Variants in SLC14A2 observed in about 807,000 individuals in gnomAD.
The protein encoded by SLC14A2 is solute carrier family 14 member 2.
Under a neutral mutation model 104.6 loss-of-function variants are expected in SLC14A2, and 91 were observed. The observed-to-expected ratio is 0.87, with a 90% CI of 0.73 to 1.04. The LOEUF (loss-of-function observed/expected upper bound fraction) is 1.04, where lower values mean the gene tolerates loss of function less well. Among genes scored for constraint, SLC14A2 ranks in the 50% least tolerant of loss-of-function variants. The pLI, the probability that SLC14A2 is intolerant of heterozygous loss-of-function variation, is 0.00. For synonymous variants in SLC14A2, 476 were observed against 466.4 expected (o/e 1.02, Z -0.27); for missense variants, 1,189 against 1,156.0 (o/e 1.03, Z -0.41).
chr18:45,352,199 A>T (rs548707854), intron 1 of SLC14A2, among the ~76,000 whole-genome samples: 1 of 152,260 alleles, frequency 6.6e-6, no homozygotes, highest in Admixed American at 6.5e-5. Context: ...TACTTCAAAG[A>T]AAAGGCAAAC....
rs2086233054 is a variant in SLC14A2, at chr18:45,413,185, T to A, written c.-124-70048T>A. 2.0e-5 allele frequency among the ~76,000 whole-genome samples: 3 copies of A among 152,196 alleles called. No homozygotes were observed. The South Asian group carries it at 6.2e-4, about 32-fold the overall frequency. ...GATAATTACACAGAGTAGCTTATGT[T>A]ATCTAATGCTATCATGTTATCTACA... On this transcript the variant is annotated intron_variant, in intron 1 of 20. Transcript: ENST00000586448.
chr18:45,212,495 C>T (rs2083969745), upstream of SLC14A2, among the ~76,000 whole-genome samples: 1 of 152,172 alleles, frequency 6.6e-6, no homozygotes, highest in Non-Finnish European at 1.5e-5. Context: ...CATGAGAAAG[C>T]ACATGAAAAG....
chr18:45,594,669 G>T (rs2044697097), intron 2 of SLC14A2, among the ~76,000 whole-genome samples: 2 of 152,104 alleles, frequency 1.3e-5, no homozygotes, highest in African/African-American at 4.8e-5. Flanking sequence ...CACCTTACTT[G>T]TCTCTTCCTT....
At chr18:45,405,317 T>C (rs1279288711) in intron 1 of SLC14A2, among the ~76,000 whole-genome samples, 2 of 152,206 alleles carry the variant, frequency 1.3e-5, no homozygotes, top group African/African-American at 4.8e-5. Flanking sequence ...GAGGTTCAAG[T>C]AGCAAAGGAT....
At chr18:45,262,189 A>G (rs2084546254) in intron 1 of SLC14A2, among the ~76,000 whole-genome samples, 1 of 152,242 alleles carries the variant, frequency 6.6e-6, no homozygotes, top group Non-Finnish European at 1.5e-5. Flanking sequence ...TTAAAAATTA[A>G]TAAAAACAAA....
At chr18:45,444,080 T>G (rs1420888472) in intron 1 of SLC14A2, among the ~76,000 whole-genome samples, 1 of 152,174 alleles carries the variant, frequency 6.6e-6, no homozygotes, top group Non-Finnish European at 1.5e-5. Context: ...GCAAATTTGT[T>G]TCTATCATAA....
At chr18:45,309,905 A>T (rs2085061210) in intron 1 of SLC14A2, among the ~76,000 whole-genome samples, 1 of 149,288 alleles carries the variant, frequency 6.7e-6, no homozygotes, top group Non-Finnish European at 1.5e-5. Flanking sequence ...TTCTCCATTT[A>T]TATATATATA....
At chr18:45,188,002 C>T in the SLC14A2 span, among the ~76,000 whole-genome samples, 1 of 152,018 alleles carries the variant, frequency 6.6e-6, no homozygotes, top group Non-Finnish European at 1.5e-5. Context: ...AGGAAGTGTC[C>T]TGTCAGTGCT....
At chr18:45,200,983 C>G in the SLC14A2 span, among the ~76,000 whole-genome samples, 1 of 152,044 alleles carries the variant, frequency 6.6e-6, no homozygotes. Context: ...CATTATGTCT[C>G]TTTAGGCTTC....
chr18:45,310,689 G>A (rs182239959), intron 1 of SLC14A2, among the ~76,000 whole-genome samples: 1 of 152,352 alleles, frequency 6.6e-6, no homozygotes, highest in East Asian at 1.9e-4. Context: ...TGCTTTCGGA[G>A]ATGTAAGTGA....
chr18:45,578,413 A>G (rs1486709022), intron 2 of SLC14A2, among the ~76,000 whole-genome samples: 2 of 152,214 alleles, frequency 1.3e-5, no homozygotes, highest in African/African-American at 4.8e-5. Context: ...GCCAAGCCTA[A>G]GCATACAGTA....
chr18:45,537,607 C>A (rs578219722), intron 2 of SLC14A2, among the ~76,000 whole-genome samples: 7 of 152,266 alleles, frequency 4.6e-5, no homozygotes, highest in African/African-American at 1.4e-4. Context: ...AGGACCGTAG[C>A]CTTTTTTCTG....
At chr18:45,641,147 C>A in intron 7 of SLC14A2, 62 bp from the exon 8 acceptor site, 1 of 1,576,508 alleles carries the variant, frequency 6.3e-7, no homozygotes, top group Non-Finnish European at 8.7e-7. Context: ...TGGCACCAGT[C>A]CCAGGGTGGT....
In SLC14A2 at chr18:45,672,820, C is replaced by T. The variant is rs1269157871; in HGVS notation, c.2230-80C>T. ...TTGCAAAATGTTAGTGGGAAGGGTT[C>T]AGTGCCAAGTCTCTTGCAGCCAAGG... On this transcript the variant is annotated intron_variant, in intron 16 of 19. Transcript: ENST00000255226. 9 of 1,325,416 alleles carry T rather than the reference C, an allele frequency of 6.8e-6. No individual in the cohort carries two copies. The East Asian group carries it at 1.4e-4, about 21-fold the overall frequency. 82.1% of individuals were successfully genotyped at this position (1,325,416 alleles called of 1,614,324 possible). A position where few individuals can be genotyped will look rare whatever the true frequency, so the allele number is the denominator to read the frequency against.
intron 2 of SLC14A2, among the ~76,000 whole-genome samples, chr18:45,580,316 A>G (rs933044401): frequency 1.3e-5 from 2 of 152,262 alleles, no homozygotes; most frequent in African/African-American, 4.8e-5. Flanking sequence ...AAATGTGGTC[A>G]TCGTCAGCAG....
rs535969318 is a variant in SLC14A2, at chr18:45,558,825, TCTGTC to T, written c.-34-65805_-34-65801del. 2.4e-3 allele frequency among the ~76,000 whole-genome samples: 368 copies of T among 152,292 alleles called. 1 individual carries two copies. Among genetic ancestry groups the T allele is most frequent in the African/African-American group, 8.4e-3 (349 of 41,570 alleles). ...CTTTTTTTTTGAGACGGAGTCTCAC[TCTGTC>T]GCCAGGCTGGAGTGCAGTGACACGA... On this transcript the variant is annotated intron_variant, in intron 2 of 20. Coordinates refer to the SLC14A2 transcript ENST00000586448.
intron 2 of SLC14A2, among the ~76,000 whole-genome samples, chr18:45,588,901 T>C (rs1024694482): frequency 2.0e-5 from 3 of 151,874 alleles, no homozygotes; most frequent in Non-Finnish European, 4.4e-5. Flanking sequence ...GCAAGGGAGT[T>C]ACAGGGAGAG....
At chr18:45,621,845 T>C (rs1455795208) in intron 1 of SLC14A2, among the ~76,000 whole-genome samples, 2 of 152,130 alleles carry the variant, frequency 1.3e-5, no homozygotes, top group African/African-American at 2.4e-5. Context: ...CAAGTGATCA[T>C]TGAGACAAAG....
intron 2 of SLC14A2, chr18:45,529,258 G>A (rs1015485897): frequency 6.6e-6 from 1 of 152,178 alleles, no homozygotes; most frequent in African/African-American, 2.4e-5. Context: ...ATTTAACCTT[G>A]TGCAGAAAAA....
Sources: allele counts gnomAD v4.1 joint callset (sites outside exome capture counted in the v4.1 genomes callset), GRCh38; gene constraint gnomAD v4.1.1; transcripts MANE v1.5; gene names NCBI Gene and HGNC (gene_info 2026-07-23, HGNC 2026-07-21).